RAI1: variants seen among roughly 807,000 people sequenced by gnomAD.
RAI1 encodes the protein retinoic acid induced 1.
RAI1 carries 9 observed loss-of-function variants against 123.8 expected under a neutral mutation model. The observed-to-expected ratio is 0.07, with a 90% CI of 0.04 to 0.13. RAI1 has a LOEUF of 0.13. Among genes scored for constraint, RAI1 ranks in the 10% least tolerant of loss-of-function variants. The probability of loss-of-function intolerance (pLI) is 1.00; values close to 1 mark genes in which losing one functional copy is unlikely to be tolerated. For missense variants in RAI1, 2,256 were observed against 2,545.8 expected, an observed-to-expected ratio of 0.89 and a Z score of 2.45; for synonymous variants, 1,231 against 1,127.3, an observed-to-expected ratio of 1.09 and a Z score of -1.84.
Position 17,793,462 on chromosome 17 carries a change from C to T in RAI1, c.514C>T (p.His172Tyr), listed in dbSNP as rs143161740. 2.0e-5 allele frequency: 32 copies of T among 1,613,296 alleles called. No homozygotes were observed. The highest frequency in any genetic ancestry group is 2.7e-5 in the African/African-American group (2 of 74,910). ...GGTGCCCTTTCGGACTCACTCCCTG[C>T]ACGTCCAGCAGCCACCGCCGCCCCA... is the stretch of plus-strand genomic sequence containing the variant. ...AQVPFRTHSL[H>Y]VQQPPPPQQP... Residue 172 changes from histidine to tyrosine, a missense_variant, in exon 3 of 6, where the codon CAC (histidine) becomes TAC (tyrosine). Around this residue, in one of 7 missense-constraint regions of RAI1, gnomAD observed 336 missense variants for 349.8 expected, o/e 0.96. Transcript: ENST00000353383.
intron 2 of RAI1, among the ~76,000 whole-genome samples, chr17:17,729,007 G>A (rs1916184345): frequency 6.6e-6 from 1 of 152,200 alleles, no homozygotes; most frequent in African/African-American, 2.4e-5. Flanking sequence ...CGGCTGTGAT[G>A]TCCATTCACG....
At chr17:17,715,790 G>A (rs1915694201) in intron 1 of RAI1, among the ~76,000 whole-genome samples, 2 of 152,138 alleles carry the variant, frequency 1.3e-5, no homozygotes, top group South Asian at 2.1e-4. Context: ...GGCTGTGCCC[G>A]ATCCGATCCT....
chr17:17,681,821 G>T lies in RAI1; in HGVS notation c.-149+28G>T, dbSNP rs187268306. On this transcript the variant is annotated intron_variant, in intron 1 of 5. Transcript: ENST00000353383. ...GAGCAGCGAGCGCCGGGGCGCGGGG[G>T]GCGCAGTGTATCCTGCCCCGGGGCG... 682 of 299,138 alleles carry T rather than the reference G, an allele frequency of 2.3e-3. 12 individuals carry two copies. The East Asian group carries it at 0.031, about 14-fold the overall frequency. The allele number at this position is 299,138 out of a possible 1,614,324, so 18.5% of individuals were successfully genotyped here.
At position 17,741,837 on chromosome 17, in the gene RAI1, G is replaced by A. The variant is rs186241259; in HGVS notation, c.-17+17678G>A. Among the ~76,000 whole-genome samples the A allele has an allele frequency of 8.0e-4, 122 of 152,372 alleles. 1 individual carries two copies. Among genetic ancestry groups the A allele is most frequent in the African/African-American group, 2.8e-3 (117 of 41,592 alleles). ...GCCTGTCGGCCAGGGCCAAGCTCAC[G>A]GCCGTTGCTTCGGTGCCAGTGGAAG... is the stretch of plus-strand genomic sequence containing the variant. On this transcript the variant is annotated intron_variant, in intron 2 of 5. Coordinates refer to ENST00000353383, the MANE Select transcript of RAI1 (RefSeq NM_030665.4).
At chr17:17,762,275 G>A (rs1226112024) in intron 2 of RAI1, among the ~76,000 whole-genome samples, 1 of 152,154 alleles carries the variant, frequency 6.6e-6, no homozygotes, top group Admixed American at 6.5e-5. Flanking sequence ...GGGCTCATTG[G>A]AGAAGACCCA....
At chr17:17,804,585 T>C (rs1005240700) in intron 4 of RAI1, among the ~76,000 whole-genome samples, 14 of 152,086 alleles carry the variant, frequency 9.2e-5, no homozygotes, top group Non-Finnish European at 2.1e-4. Context: ...ATATTAGTCA[T>C]TGGGGACAAC....
At chr17:17,696,030 C>A (rs886928777) in intron 1 of RAI1, among the ~76,000 whole-genome samples, 3 of 152,198 alleles carry the variant, frequency 2.0e-5, no homozygotes, top group Non-Finnish European at 4.4e-5. Flanking sequence ...GCAGAAGAGA[C>A]TCAGGGTTGC....
At chr17:17,709,794 G>T (rs1361407983) in intron 1 of RAI1, among the ~76,000 whole-genome samples, 3 of 152,200 alleles carry the variant, frequency 2.0e-5, no homozygotes, top group Non-Finnish European at 4.4e-5. Context: ...CTCCGTGCGG[G>T]CCTGGGGTGC....
At chr17:17,720,090 C>T (rs1598032811) in intron 1 of RAI1, among the ~76,000 whole-genome samples, 2 of 152,170 alleles carry the variant, frequency 1.3e-5, no homozygotes, top group South Asian at 2.1e-4. Flanking sequence ...GAGCCTTGTC[C>T]TTGGCTGGCT....
chr17:17,706,322 G>A lies in RAI1; in HGVS notation c.-148-17706G>A, dbSNP rs942938042. Reference sequence around the variant, plus strand: ...CCAGCAGGGATGGGACCGTGTAGTGGCCAAGCTGGAGGGGGACTTTGGTCC... The same window carrying A: ...CCAGCAGGGATGGGACCGTGTAGTGACCAAGCTGGAGGGGGACTTTGGTCC... On this transcript the variant is annotated intron_variant, in intron 1 of 5. Coordinates refer to ENST00000353383, the MANE Select transcript of RAI1 (RefSeq NM_030665.4). Among the ~76,000 whole-genome samples, 47 of 152,194 alleles carry A rather than the reference G, an allele frequency of 3.1e-4. 1 individual carries two copies. The highest frequency in any genetic ancestry group is 7.3e-5 in the Non-Finnish European group (5 of 68,034).
chr17:17,683,111 A>G (rs1479010035), intron 1 of RAI1, among the ~76,000 whole-genome samples: 1 of 152,224 alleles, frequency 6.6e-6, no homozygotes, highest in Non-Finnish European at 1.5e-5. Flanking sequence ...TAGTGTGTTG[A>G]GAATTCAAGG....
intron 2 of RAI1, among the ~76,000 whole-genome samples, chr17:17,768,171 C>T (rs1056235949): frequency 5.3e-5 from 8 of 152,126 alleles, no homozygotes; most frequent in Non-Finnish European, 1.2e-4. Context: ...ATGCCTGGGA[C>T]GTAGGGGACA....
At chr17:17,690,389 CA>C (rs34265723) in intron 1 of RAI1, among the ~76,000 whole-genome samples, 56,774 of 122,142 alleles carry the variant, frequency 0.46, 11,287 homozygotes, top group Middle Eastern at 0.53. Flanking sequence ...GACCTTGTCT[CA>C]AAAAAAAAAA....
chr17:17,713,103 C>T (rs373600111), intron 1 of RAI1, among the ~76,000 whole-genome samples: 14 of 152,140 alleles, frequency 9.2e-5, no homozygotes, highest in African/African-American at 3.4e-4. Flanking sequence ...ATACCAAAAC[C>T]CTGAGTTGTC....
chr17:17,726,313 G>A (rs1916088319), intron 2 of RAI1, among the ~76,000 whole-genome samples: 1 of 152,206 alleles, frequency 6.6e-6, no homozygotes, highest in Admixed American at 6.5e-5. Flanking sequence ...CACCCACTCA[G>A]CTGCAGGCCT....
At chr17:17,731,716 G>T (rs1285047566) in intron 2 of RAI1, among the ~76,000 whole-genome samples, 2 of 152,142 alleles carry the variant, frequency 1.3e-5, no homozygotes, top group East Asian at 3.9e-4. Flanking sequence ...TCCTGGAGCT[G>T]CTGTGCAGGC....
chr17:17,753,639 G>T (rs968725809), intron 2 of RAI1, among the ~76,000 whole-genome samples: 18 of 152,178 alleles, frequency 1.2e-4, no homozygotes, highest in African/African-American at 4.3e-4. Context: ...CAGATTCCTG[G>T]GCTCAGGCCA....
intron 2 of RAI1, among the ~76,000 whole-genome samples, chr17:17,780,686 G>A (rs1377927508): frequency 6.6e-6 from 1 of 152,244 alleles, no homozygotes; most frequent in Non-Finnish European, 1.5e-5. Context: ...GGACACAGGA[G>A]GGGGTCAGAC....
chr17:17,720,151 C>A (rs1311180971), intron 1 of RAI1, among the ~76,000 whole-genome samples: 1 of 152,204 alleles, frequency 6.6e-6, no homozygotes, highest in Non-Finnish European at 1.5e-5. Flanking sequence ...GCCCTCTACC[C>A]ACCCTGCCTC....
Sources: gnomAD v4.1 joint callset for allele counts (sites outside exome capture counted in the v4.1 genomes callset) on GRCh38, gnomAD v4.1.1 for gene constraint, gnomAD v4.1.1 regional missense constraint, MANE v1.5 for transcripts, NCBI Gene and HGNC (gene_info 2026-07-23, HGNC 2026-07-21) for gene names.